The following HEXB variants were observed in gnomAD, a reference collection of about 807,000 sequenced individuals.
The protein encoded by HEXB is hexosaminidase subunit beta, also known as beta-hexosaminidase subunit beta.
A neutral mutation model predicts 71.2 loss-of-function variants in HEXB; 51 were observed. That is an observed-to-expected ratio of 0.72 (90% confidence interval 0.57 to 0.90). The LOEUF (loss-of-function observed/expected upper bound fraction) is 0.90, where lower values mean the gene tolerates loss of function less well. HEXB is among the 40% of genes least tolerant of loss of function. The pLI, the probability that HEXB is intolerant of heterozygous loss-of-function variation, is 0.00. For missense variants in HEXB, 617 were observed against 677.0 expected (o/e 0.91, Z 0.98); for synonymous variants, 266 against 249.3 (o/e 1.07, Z -0.63).
At chr5:74,640,448 C>G (rs1580352644) in exon 1 of HEXB, 1 of 152,290 alleles carries the variant, frequency 6.6e-6, no homozygotes, top group East Asian at 1.9e-4. Flanking sequence ...AGGACTGCGC[C>G]CCGAACGATG....
At chr5:74,694,951 C>T (rs1358171914) in intron 3 of HEXB, among the ~76,000 whole-genome samples, 1 of 151,978 alleles carries the variant, frequency 6.6e-6, no homozygotes, top group Non-Finnish European at 1.5e-5. Context: ...GCCTTGGTGA[C>T]AGAGCAAAAC....
chr5:74,648,119 T>C (rs951532464), intron 1 of HEXB, among the ~76,000 whole-genome samples: 1 of 152,186 alleles, frequency 6.6e-6, no homozygotes, highest in African/African-American at 2.4e-5. Context: ...TTCTCATCAG[T>C]AAAATGGGGC....
chr5:74,705,327 A>G lies in HEXB; in HGVS notation c.771+7A>G. On this transcript the variant is annotated splice_region_variant and intron_variant, in intron 6 of 13. Transcript: ENST00000261416. ...TCCTGAGTTAAGCAATAAAGTGAGTAAATTGTATTGTACTCTGTCTACAAA... is the reference window on the plus strand; with the variant it reads ...TCCTGAGTTAAGCAATAAAGTGAGTGAATTGTATTGTACTCTGTCTACAAA... 1 of 1,417,170 alleles carries G rather than the reference A, an allele frequency of 7.1e-7. No homozygotes were observed. Among genetic ancestry groups the G allele is most frequent in the South Asian group, 1.1e-5 (1 of 87,184 alleles). The allele number at this position is 1,417,170 out of a possible 1,614,324, so 87.8% of individuals were successfully genotyped here. A position where few individuals can be genotyped will look rare whatever the true frequency, so the allele number is the denominator to read the frequency against.
At position 74,685,494 on chromosome 5, in the gene HEXB, C is replaced by T. The variant is rs770859307; in HGVS notation, c.234C>T (p.Tyr78=). 5 of 1,610,428 alleles carry T rather than the reference C, an allele frequency of 3.1e-6. No individual in the cohort carries two copies. The highest frequency in any genetic ancestry group is 4.2e-6 in the Non-Finnish European group (5 of 1,178,610). The change falls in exon 1 of 14, where the codon TAC becomes TAT. Residue 78 remains tyrosine, a synonymous_variant. Coordinates refer to ENST00000261416, the MANE Select transcript of HEXB (RefSeq NM_000521.4). ...NLLHLAPENF[Y]ISHSPNSTAG... ...TGCATCTCGCCCCGGAGAACTTCTA[C>T]ATCAGCCACAGCCCCAATTCCACGG...
intron 6 of HEXB, among the ~76,000 whole-genome samples, chr5:74,708,175 A>G (rs1412410320): frequency 1.3e-5 from 2 of 151,876 alleles, no homozygotes; most frequent in Non-Finnish European, 2.9e-5. Context: ...CCAGAATTTC[A>G]TATCCAGCCA....
intron 1 of HEXB, among the ~76,000 whole-genome samples, chr5:74,648,993 A>G (rs930892189): frequency 5.3e-5 from 8 of 152,196 alleles, no homozygotes; most frequent in African/African-American, 1.9e-4. Context: ...TTCTGGCTAC[A>G]ATGAAAAACC....
Position 74,652,568 on chromosome 5 carries a change from C to G in HEXB, c.-377+12010C>G, listed in dbSNP as rs928954663. Among the ~76,000 whole-genome samples, 4 of 152,176 alleles carry G rather than the reference C, an allele frequency of 2.6e-5. No individual in the cohort carries two copies. Among genetic ancestry groups the G allele is most frequent in the Admixed American group, 1.3e-4 (2 of 15,274 alleles). On this transcript the variant is annotated intron_variant, in intron 1 of 13. Coordinates refer to the HEXB transcript ENST00000511181. This position sits in a 1 kb window ranked among gnomAD's most constrained non-coding sequence, Gnocchi z 5.4. The stretch of plus-strand genomic sequence containing the variant: ...CATAAGAAAATGTAACTTAATTTTT[C>G]TAGAACAGAACTTTTTACCATAAGA...
intron 6 of HEXB, among the ~76,000 whole-genome samples, chr5:74,709,058 C>A (rs1749475369): frequency 6.6e-6 from 1 of 151,668 alleles, no homozygotes; most frequent in South Asian, 2.1e-4. Flanking sequence ...CTCTCCTCAG[C>A]AAATGTAAAA....
chr5:74,657,728 T>G (rs554667813), intron 1 of HEXB, among the ~76,000 whole-genome samples: 3 of 152,360 alleles, frequency 2.0e-5, no homozygotes, highest in South Asian at 4.1e-4. Context: ...ACTTGACGCT[T>G]GTTATTTGTG....
chr5:74,655,738 A>G (rs995115287), intron 1 of HEXB, among the ~76,000 whole-genome samples: 1 of 152,214 alleles, frequency 6.6e-6, no homozygotes, highest in Non-Finnish European at 1.5e-5. Context: ...TAAAATAATG[A>G]TTGTCATTTG....
intron 1 of HEXB, among the ~76,000 whole-genome samples, chr5:74,668,054 C>T (rs1748465449): frequency 6.6e-6 from 1 of 152,294 alleles, no homozygotes; most frequent in South Asian, 2.1e-4. Context: ...GTGACAGAGC[C>T]TGGCTCTTCA....
intron 9 of HEXB, 126 bp downstream of exon 9, chr5:74,716,799 G>A (rs1749682996): frequency 1.1e-5 from 7 of 632,954 alleles, no homozygotes; most frequent in Non-Finnish European, 2.0e-5. Context: ...ATCACTAAAG[G>A]AGGCAATACC....
chr5:74,674,319 T>TTTATC (rs1748591169), intron 1 of HEXB, among the ~76,000 whole-genome samples: 1 of 152,088 alleles, frequency 6.6e-6, no homozygotes, highest in Non-Finnish European at 1.5e-5. Context: ...AAAGGAGGTT[T>TTTATC]TCAGCCAGGC....
chr5:74,684,089 G>T (rs910004772), upstream of HEXB, among the ~76,000 whole-genome samples: 2 of 152,142 alleles, frequency 1.3e-5, no homozygotes, highest in East Asian at 3.9e-4. Flanking sequence ...AAAGTGCTGG[G>T]ATTTCAGGCG....
upstream of HEXB, among the ~76,000 whole-genome samples, chr5:74,681,374 C>CA (rs566775532): frequency 3.3e-4 from 50 of 151,968 alleles, no homozygotes; most frequent in Non-Finnish European, 5.9e-4. Context: ...CTCCCCAGAA[C>CA]AAAAAACCAT....
chr5:74,675,291 T>A (rs926948199), intron 1 of HEXB, among the ~76,000 whole-genome samples: 2 of 152,174 alleles, frequency 1.3e-5, no homozygotes, highest in African/African-American at 4.8e-5. Context: ...CAGTGGGGGA[T>A]TCTTACTAAA....
At chr5:74,693,955 C>T (rs1397036201) in intron 3 of HEXB, among the ~76,000 whole-genome samples, 1 of 152,130 alleles carries the variant, frequency 6.6e-6, no homozygotes, top group Non-Finnish European at 1.5e-5. Context: ...GCTCAGAAGT[C>T]TGAGACCAGC....
At chr5:74,672,044 TC>T (rs1748549942) in intron 1 of HEXB, among the ~76,000 whole-genome samples, 1 of 152,236 alleles carries the variant, frequency 6.6e-6, no homozygotes, top group Admixed American at 6.5e-5. Flanking sequence ...TGTGCTTTGT[TC>T]CTGCAAAGCT....
intron 1 of HEXB, among the ~76,000 whole-genome samples, chr5:74,649,935 C>T (rs550466446): frequency 3.9e-5 from 6 of 152,270 alleles, no homozygotes; most frequent in African/African-American, 1.2e-4. Context: ...GATCAAATCC[C>T]AAATATTGAG....
Sources: gnomAD v4.1 joint callset for allele counts (sites outside exome capture counted in the v4.1 genomes callset) on GRCh38, gnomAD v4.1.1 for gene constraint, Gnocchi (gnomAD v3.1) non-coding constraint, MANE v1.5 for transcripts, NCBI Gene and HGNC (gene_info 2026-07-23, HGNC 2026-07-21) for gene names.